SPINK8: variants seen among roughly 807,000 people sequenced by gnomAD.
SPINK8 encodes serine peptidase inhibitor Kazal type 8 (putative).
Under a neutral mutation model 14.4 loss-of-function variants are expected in SPINK8, and 12 were observed. That is an observed-to-expected ratio of 0.83 (90% CI 0.53 to 1.35). The LOEUF is 1.35. SPINK8 is among the 40% of genes most tolerant of loss of function. The pLI, the probability that SPINK8 is intolerant of heterozygous loss-of-function variation, is 0.00. For synonymous variants in SPINK8, 32 were observed against 37.6 expected (o/e 0.85, Z 0.55); for missense variants, 103 against 117.0 (o/e 0.88, Z 0.55).
chr3:48,321,499 A>C (rs1415540616), intron 4 of SPINK8, among the ~76,000 whole-genome samples: 1 of 150,874 alleles, frequency 6.6e-6, no homozygotes, highest in Non-Finnish European at 1.5e-5. Context: ...TAATCACATG[A>C]TATAATTTTA....
chr3:48,320,865 A>ACTAC (rs1440570872), intron 5 of SPINK8, among the ~76,000 whole-genome samples, 160 bp downstream of exon 5: 1 of 152,214 alleles, frequency 6.6e-6, no homozygotes, highest in Non-Finnish European at 1.5e-5. Context: ...AGGAACATAT[A>ACTAC]AAATGTGCTA....
At position 48,309,913 on chromosome 3, in the gene SPINK8, A is replaced by G; in HGVS notation, c.273T>C (p.Asp91=). The G allele has an allele frequency of 6.9e-7, 1 of 1,451,536 alleles. No individual in the cohort carries two copies. The highest frequency in any genetic ancestry group is 9.1e-7 in the Non-Finnish European group (1 of 1,104,582). The allele number at this position is 1,451,536 out of a possible 1,614,324, so 89.9% of individuals were successfully genotyped here. A position where few individuals can be genotyped will look rare whatever the true frequency, so the allele number is the denominator to read the frequency against. ...AAGTGTCTTTACTTACACATTGTCC[A>G]TCATACAGTTTAGTTATGTTAAGCC... ...FEGLNITKLY[D]GQCENS The change falls in exon 7 of 8, where the codon GAT becomes GAC. Residue 91 remains aspartate (D), a synonymous_variant. Coordinates refer to ENST00000434006, the MANE Select transcript of SPINK8 (RefSeq NM_001080525.3).
chr3:48,310,264 C>A, intron 6 of SPINK8, among the ~76,000 whole-genome samples: 1 of 152,088 alleles, frequency 6.6e-6, no homozygotes, highest in Admixed American at 6.5e-5. Context: ...AACATCGCTA[C>A]TGACCTTACA....
At chr3:48,308,151 A>AT (rs2035875405) in intron 7 of SPINK8, among the ~76,000 whole-genome samples, 1 of 149,992 alleles carries the variant, frequency 6.7e-6, no homozygotes, top group Admixed American at 6.6e-5. Flanking sequence ...TTTTTTTTGT[A>AT]TTTTTAGTAG....
intron 4 of SPINK8, among the ~76,000 whole-genome samples, chr3:48,321,353 T>C (rs1163513737): frequency 6.6e-6 from 1 of 152,172 alleles, no homozygotes; most frequent in African/African-American, 2.4e-5. Context: ...AAACATGCTC[T>C]AAGTTACAAA....
intron 5 of SPINK8, among the ~76,000 whole-genome samples, chr3:48,319,953 A>G (rs1417029772): frequency 6.6e-6 from 1 of 150,648 alleles, no homozygotes; most frequent in Non-Finnish European, 1.5e-5. Context: ...ACCACGGTAA[A>G]CCCCATCTCT....
At chr3:48,321,137 TA>T (rs1208606390) in intron 4 of SPINK8, 63 bp from the exon 5 acceptor site, 22 of 1,512,916 alleles carry the variant, frequency 1.5e-5, no homozygotes, top group Middle Eastern at 1.7e-4. Flanking sequence ...GCGAAAAAGG[TA>T]AGATGAGGGG....
intron 6 of SPINK8, 47 bp downstream of exon 6, chr3:48,319,450 C>G: frequency 1.2e-6 from 2 of 1,611,816 alleles, no homozygotes; most frequent in Non-Finnish European, 1.7e-6. Flanking sequence ...TTTGACCACT[C>G]TTAACCTCTT....
chr3:48,328,881 C>T (rs1391578084), intron 3 of SPINK8, among the ~76,000 whole-genome samples: 2 of 152,182 alleles, frequency 1.3e-5, no homozygotes, highest in Non-Finnish European at 2.9e-5. Flanking sequence ...AATGTTGTTA[C>T]TTGGTGTTAA....
chr3:48,331,734 C>A (rs866865147), intron 2 of SPINK8, among the ~76,000 whole-genome samples: 3 of 152,272 alleles, frequency 2.0e-5, no homozygotes, highest in Middle Eastern at 3.4e-3. Flanking sequence ...TGGTAAAGTT[C>A]CCTAGTCACA....
At chr3:48,325,992 C>T (rs1056973274) in intron 4 of SPINK8, among the ~76,000 whole-genome samples, 1 of 151,662 alleles carries the variant, frequency 6.6e-6, no homozygotes, top group Non-Finnish European at 1.5e-5. Flanking sequence ...CTCAGTCTGC[C>T]TCACCTGGGA....
intron 4 of SPINK8, among the ~76,000 whole-genome samples, chr3:48,322,611 C>T (rs6793223): frequency 0.21 from 32,537 of 152,196 alleles, 4,311 homozygotes; most frequent in South Asian, 0.3. Flanking sequence ...TCTGGGATTA[C>T]AGGCATGAGC....
At chr3:48,330,512 G>C (rs982063584) in intron 2 of SPINK8, among the ~76,000 whole-genome samples, 1 of 152,078 alleles carries the variant, frequency 6.6e-6, no homozygotes, top group African/African-American at 2.4e-5. Context: ...GAGCAAAACT[G>C]TCTTTTTGTT....
rs371575627 is a variant in SPINK8 at position 48,327,857 on chromosome 3, A to G, written c.67+418T>C. Among the ~76,000 whole-genome samples, 8 of 152,332 alleles carry G rather than the reference A, an allele frequency of 5.3e-5. No homozygotes were observed. The East Asian group carries it at 1.5e-3, about 29-fold the overall frequency. On this transcript the variant is annotated intron_variant, in intron 4 of 7. Transcript: ENST00000434006. ...AATCGAATAGAAAAACAACATGTTG[A>G]GGCCTTCAGAGATTCCCTACTGTTA...
intron 7 of SPINK8, 105 bp from the exon 8 acceptor site, chr3:48,307,108 A>G: frequency 1.8e-6 from 2 of 1,107,392 alleles, no homozygotes; most frequent in Non-Finnish European, 2.7e-6. Context: ...AATGCTAAAC[A>G]ATTATTCTCT....
chr3:48,320,350 C>A (rs2036055538), intron 5 of SPINK8, among the ~76,000 whole-genome samples: 1 of 152,120 alleles, frequency 6.6e-6, no homozygotes. Context: ...GAGTTTGAGA[C>A]CAGCCTGGCC....
chr3:48,326,021 A>G lies in SPINK8; in HGVS notation c.67+2254T>C, dbSNP rs1244162962. ...CCTGGGATGGAGCCTCAGTCTCACA[A>G]GTAGGAGATGGGTGGGAAAAAAGAG... On this transcript the variant is annotated intron_variant, in intron 4 of 7. Coordinates refer to ENST00000434006, the MANE Select transcript of SPINK8 (RefSeq NM_001080525.3). 2.0e-5 allele frequency among the ~76,000 whole-genome samples: 3 copies of G among 151,640 alleles called. No individual in the cohort carries two copies. The East Asian group carries it at 5.8e-4, about 29-fold the overall frequency.
At chr3:48,326,232 G>A (rs986076934) in intron 4 of SPINK8, among the ~76,000 whole-genome samples, 9 of 152,046 alleles carry the variant, frequency 5.9e-5, no homozygotes, top group South Asian at 2.1e-4. Context: ...CTCACACTGC[G>A]CTGGGAAGGG....
chr3:48,323,346 G>A (rs542057688), intron 4 of SPINK8, among the ~76,000 whole-genome samples: 6 of 151,938 alleles, frequency 3.9e-5, no homozygotes, highest in Admixed American at 6.6e-5. Flanking sequence ...TGATCTGCCC[G>A]CCTCAGCCTC....
Sources: gnomAD v4.1 joint callset for allele counts (sites outside exome capture counted in the v4.1 genomes callset) on GRCh38, gnomAD v4.1.1 for gene constraint, MANE v1.5 for transcripts, NCBI Gene and HGNC (gene_info 2026-07-23, HGNC 2026-07-21) for gene names.